Variants in GARS1 observed in about 807,000 individuals in gnomAD.
GARS1 encodes the protein glycine--tRNA ligase.
Under a neutral mutation model 86.4 loss-of-function variants are expected in GARS1, and 46 were observed. The observed-to-expected ratio is 0.53, with a 90% confidence interval of 0.42 to 0.68. The LOEUF (loss-of-function observed/expected upper bound fraction) is 0.68, where lower values mean the gene tolerates loss of function less well. Ranked by LOEUF, GARS1 falls within the 30% of genes least tolerant of loss-of-function variation. GARS1 has a pLI of 0.00. For missense variants in GARS1, 797 were observed against 915.6 expected (o/e 0.87, Z 1.67); for synonymous variants, 342 against 329.8 (o/e 1.04, Z -0.40).
intron 10 of GARS1, among the ~76,000 whole-genome samples, chr7:30,620,705 C>CT (rs1307063971): frequency 6.6e-6 from 1 of 152,160 alleles, no homozygotes; most frequent in Admixed American, 6.5e-5. Context: ...GTGACCTGAA[C>CT]TTTACCCACT....
At chr7:30,596,325 T>C (rs993345215) in intron 1 of GARS1, among the ~76,000 whole-genome samples, 1 of 152,246 alleles carries the variant, frequency 6.6e-6, no homozygotes, top group Non-Finnish European at 1.5e-5. Context: ...GCTTAACTTT[T>C]TTCTTCATGA....
rs1179930526 is a variant in GARS1, at chr7:30,626,327, T to C, written c.1699+8T>C. The C allele has an allele frequency of 1.3e-6, 2 of 1,505,030 alleles. No homozygotes were observed. Among genetic ancestry groups the C allele is most frequent in the South Asian group, 2.3e-5 (2 of 88,440 alleles). The allele number at this position is 1,505,030 out of a possible 1,614,324, so 93.2% of individuals were successfully genotyped here. A position where few individuals can be genotyped will look rare whatever the true frequency, so the allele number is the denominator to read the frequency against. On this transcript the variant is annotated splice_region_variant and intron_variant, in intron 13 of 16. Transcript: ENST00000389266. ...TCCAGAAAACACTATATGGTAAATT[T>C]GTAAAAATAATAAACAAAAAGTCAC...
At chr7:30,608,582 C>G (rs1349540024) in intron 6 of GARS1, among the ~76,000 whole-genome samples, 1 of 152,146 alleles carries the variant, frequency 6.6e-6, no homozygotes, top group East Asian at 1.9e-4. Flanking sequence ...AAATCTGGAA[C>G]ATGTTGTTAG....
Position 30,632,385 on chromosome 7 carries a change from C to A in GARS1, c.2042C>A (p.Pro681His). The change falls in exon 16 of 17, where the codon CCC becomes CAC. Residue 681 changes from proline (P) to histidine (H), a missense_variant. Pro to His is a moderately conservative substitution (Grantham distance 77, BLOSUM62 -2). Coordinates refer to ENST00000389266, the MANE Select transcript of GARS1 (RefSeq NM_002047.4). This position sits in a 1 kb window ranked among gnomAD's most constrained non-coding sequence, Gnocchi z 4.1. Reference sequence around the variant, plus strand: ...GACTTTGACACAGTGAACAAGACCCCCCACACTGCAACTCTGAGGGACCGT... The same window carrying A: ...GACTTTGACACAGTGAACAAGACCCACCACACTGCAACTCTGAGGGACCGT... The part of the protein sequence containing the change: ...TIDFDTVNKT[P>H]HTATLRDRDS... 6.2e-7 allele frequency: 1 copy of A among 1,614,146 alleles called. No homozygotes were observed. Among genetic ancestry groups the A allele is most frequent in the Non-Finnish European group, 8.5e-7 (1 of 1,180,024 alleles).
intron 5 of GARS1, 45 bp from the exon 6 acceptor site, chr7:30,603,451 G>T (rs752310586): frequency 6.8e-7 from 1 of 1,468,208 alleles, no homozygotes; most frequent in Non-Finnish European, 9.5e-7. Context: ...AAAGTGCATT[G>T]TCCTTTTTCC....
At chr7:30,614,084 C>T (rs569041079) in intron 8 of GARS1, among the ~76,000 whole-genome samples, 4 of 152,292 alleles carry the variant, frequency 2.6e-5, no homozygotes, top group African/African-American at 9.6e-5. Context: ...TGCCTCCTAT[C>T]TATGAGCTGA....
intron 6 of GARS1, 54 bp from the exon 7 acceptor site, chr7:30,609,531 T>C: frequency 6.8e-7 from 1 of 1,467,358 alleles, no homozygotes; most frequent in South Asian, 1.1e-5. Flanking sequence ...ATACTTTATA[T>C]CTTATGCCTT....
chr7:30,599,201 A>C (rs1337587988), intron 2 of GARS1, among the ~76,000 whole-genome samples: 1 of 152,206 alleles, frequency 6.6e-6, no homozygotes, highest in Admixed American at 6.5e-5. Context: ...ATGCCTGAAA[A>C]TAATGATTTT....
intron 9 of GARS1, among the ~76,000 whole-genome samples, chr7:30,616,908 C>T (rs963234635): frequency 6.6e-6 from 1 of 152,122 alleles, no homozygotes; most frequent in African/African-American, 2.4e-5. Flanking sequence ...ACTCCATTAT[C>T]ATCATCTTGA....
At chr7:30,623,620 T>C (rs1308629372) in intron 12 of GARS1, among the ~76,000 whole-genome samples, 3 of 152,306 alleles carry the variant, frequency 2.0e-5, no homozygotes, top group East Asian at 3.9e-4. Flanking sequence ...GTCTAATGCA[T>C]GTGTAATTGA....
Position 30,631,470 on chromosome 7 carries a change from T to C in GARS1, c.1832T>C (p.Val611Ala). The change falls in exon 15 of 17, where the codon GTT becomes GCT. Residue 611 changes from valine to alanine, a missense_variant. Physicochemically the swap from Val to Ala is moderately conservative, Grantham distance 64. Coordinates refer to ENST00000389266, the MANE Select transcript of GARS1 (RefSeq NM_002047.4). ...CAGTTCTTCAGTTTCCCTGCTGTAGTTGCTCCATTCAAATGTTCCGTCCTC... is the reference window on the plus strand; with the variant it reads ...CAGTTCTTCAGTTTCCCTGCTGTAGCTGCTCCATTCAAATGTTCCGTCCTC... ...QRTFFSFPAV[V>A]APFKCSVLPL... is the part of the protein sequence containing the mutation. 1 of 1,613,642 alleles carries C rather than the reference T, an allele frequency of 6.2e-7. No homozygotes were observed. Among genetic ancestry groups the C allele is most frequent in the Non-Finnish European group, 8.5e-7 (1 of 1,179,592 alleles).
chr7:30,595,042 T>G lies in GARS1; in HGVS notation c.121T>G (p.Cys41Gly). ...LLRRSLSAAS[C>G]PPISLPAAAS... ...CCGCCGGTCCCTCAGCGCGGCCTCC[T>G]GCCCCCCGATCTCCTTGCCCGCCGC... Residue 41 changes from cysteine (C) to glycine (G), a missense_variant, in exon 1 of 17, where the codon TGC becomes GGC. Cys to Gly is a radical substitution (Grantham distance 159). This residue lies in a region of GARS1 where 199 missense variants were observed against 176.9 expected (regional missense o/e 1.12). Coordinates refer to ENST00000389266, the MANE Select transcript of GARS1 (RefSeq NM_002047.4). 6.4e-7 allele frequency: 1 copy of G among 1,566,300 alleles called. No individual in the cohort carries two copies. The highest frequency in any genetic ancestry group is 8.6e-7 in the Non-Finnish European group (1 of 1,162,910).
chr7:30,629,599 C>G (rs1205038878), intron 14 of GARS1, among the ~76,000 whole-genome samples: 4 of 152,214 alleles, frequency 2.6e-5, no homozygotes, highest in African/African-American at 9.7e-5. Flanking sequence ...GTGGTTCTTT[C>G]TAGGACATTT....
At chr7:30,614,170 AT>A (rs1230588859) in intron 8 of GARS1, 1 of 151,912 alleles carries the variant, frequency 6.6e-6, no homozygotes, top group Non-Finnish European at 1.5e-5. Context: ...ATGCTTATAC[AT>A]TGTGAAATGA....
chr7:30,599,398 A>G (rs1012121981), intron 2 of GARS1, among the ~76,000 whole-genome samples: 10 of 152,092 alleles, frequency 6.6e-5, no homozygotes, highest in Non-Finnish European at 1.2e-4. Context: ...ACATCAAAGT[A>G]AACTTAGTCT....
Position 30,595,045 on chromosome 7 carries a change from C to A in GARS1, c.124C>A (p.Pro42Thr), listed in dbSNP as rs1049402. 3.2e-6 allele frequency: 5 copies of A among 1,559,774 alleles called. No homozygotes were observed. Among genetic ancestry groups the A allele is most frequent in the Admixed American group, 3.7e-5 (2 of 54,418 alleles). ...CCGGTCCCTCAGCGCGGCCTCCTGCCCCCCGATCTCCTTGCCCGCCGCCGC... is the reference window on the plus strand; with the variant it reads ...CCGGTCCCTCAGCGCGGCCTCCTGCACCCCGATCTCCTTGCCCGCCGCCGC... ...LRRSLSAASC[P>T]PISLPAAASR... The change falls in exon 1 of 17, where the codon CCC (proline) becomes ACC (threonine). Residue 42 changes from proline to threonine, a missense_variant. Physicochemically the swap from Pro to Thr is conservative, Grantham distance 38. Transcript: ENST00000389266.
rs912979958 is a variant in GARS1 at position 30,632,833 on chromosome 7, T to A, written c.2094+396T>A. On this transcript the variant is annotated intron_variant, in intron 16 of 16. Coordinates refer to ENST00000389266, the MANE Select transcript of GARS1 (RefSeq NM_002047.4). The surrounding 1 kb of genome is among the most constrained non-coding windows in gnomAD (Gnocchi z 4.1). Reference sequence around the variant, plus strand: ...TGTGTATGTATAAGCTTTTCCGTGTTCATATATTCAAAACAGTGAATCATG... The same window carrying A: ...TGTGTATGTATAAGCTTTTCCGTGTACATATATTCAAAACAGTGAATCATG... Among the ~76,000 whole-genome samples, 1 of 152,242 alleles carries A rather than the reference T, an allele frequency of 6.6e-6. No homozygotes were observed. The highest frequency in any genetic ancestry group is 1.5e-5 in the Non-Finnish European group (1 of 68,044).
chr7:30,632,157 A>G lies in GARS1; in HGVS notation c.1904-90A>G, dbSNP rs1473399799. ...GCTTTCTTGTCTTGGTCCCATTTATAAGTCTCCTGAGCTTGTAAGACAGTA... is the reference window on the plus strand; with the variant it reads ...GCTTTCTTGTCTTGGTCCCATTTATGAGTCTCCTGAGCTTGTAAGACAGTA... On this transcript the variant is annotated intron_variant, in intron 15 of 16. Transcript: ENST00000389266. This position sits in a 1 kb window ranked among gnomAD's most constrained non-coding sequence, Gnocchi z 4.1. The G allele has an allele frequency of 1.6e-6, 2 of 1,226,548 alleles. No individual in the cohort carries two copies. Among genetic ancestry groups the G allele is most frequent in the African/African-American group, 1.5e-5 (1 of 66,744 alleles). 76.0% of individuals were successfully genotyped at this position (1,226,548 alleles called of 1,614,324 possible). A position where few individuals can be genotyped will look rare whatever the true frequency, so the allele number is the denominator to read the frequency against.
chr7:30,616,259 C>A (rs1782887687), intron 9 of GARS1, among the ~76,000 whole-genome samples: 1 of 151,932 alleles, frequency 6.6e-6, no homozygotes, highest in Non-Finnish European at 1.5e-5. Context: ...ATTTGTGGGC[C>A]TTGGGGCTAG....
Sources: allele counts gnomAD v4.1 joint callset (sites outside exome capture counted in the v4.1 genomes callset), GRCh38; gene constraint gnomAD v4.1.1; regional missense constraint gnomAD v4.1.1; non-coding constraint Gnocchi (gnomAD v3.1); transcripts MANE v1.5; gene names NCBI Gene and HGNC (gene_info 2026-07-23, HGNC 2026-07-21).